The following AK5 variants were observed in gnomAD, a reference collection of about 807,000 sequenced individuals.
AK5 encodes the protein adenylate kinase isoenzyme 5.
A neutral mutation model predicts 69.5 loss-of-function variants in AK5; 27 were observed. The observed-to-expected ratio is 0.39, with a 90% CI of 0.29 to 0.54. The LOEUF (loss-of-function observed/expected upper bound fraction) is 0.54. Among genes scored for constraint, AK5 ranks in the 20% least tolerant of loss-of-function variants. The pLI is 0.71. For synonymous variants in AK5, 260 were observed against 244.4 expected, an observed-to-expected ratio of 1.06 and a Z score of -0.60; for missense variants, 531 against 700.4, an observed-to-expected ratio of 0.76 and a Z score of 2.73.
chr1:77,379,052 C>A (rs1167236135), intron 6 of AK5, among the ~76,000 whole-genome samples: 3 of 152,146 alleles, frequency 2.0e-5, no homozygotes, highest in Non-Finnish European at 1.5e-5. Flanking sequence ...TAATCCTGCT[C>A]CCCAGGCCCA....
intron 5 of AK5, among the ~76,000 whole-genome samples, chr1:77,312,096 G>A (rs575394058): frequency 6.6e-6 from 1 of 152,280 alleles, no homozygotes; most frequent in East Asian, 1.9e-4. Context: ...GGTAGCAGAA[G>A]TAATATTTAG....
intron 12 of AK5, among the ~76,000 whole-genome samples, chr1:77,529,697 C>T (rs1658475533): frequency 1.3e-5 from 2 of 152,074 alleles, no homozygotes; most frequent in African/African-American, 2.4e-5. Context: ...TGTATTAAGC[C>T]AATCTCATAC....
intron 8 of AK5, among the ~76,000 whole-genome samples, chr1:77,481,859 C>CA (rs1655272152): frequency 6.6e-6 from 1 of 152,112 alleles, no homozygotes; most frequent in Non-Finnish European, 1.5e-5. Flanking sequence ...CCACTTTTTC[C>CA]AAAAAAAGTT....
chr1:77,351,927 C>CTTTTTTTTTTTTTTTTTTTTTTTT (rs10658959), intron 6 of AK5, among the ~76,000 whole-genome samples: 12 of 138,170 alleles, frequency 8.7e-5, no homozygotes, highest in Non-Finnish European at 9.1e-5. Context: ...GCAAGTAATT[C>CTTTTTTTTTTTTTTTTTTTTTTTT]TTTTTTTTTT....
intron 13 of AK5, among the ~76,000 whole-genome samples, chr1:77,536,840 C>A (rs1272774797): frequency 6.6e-6 from 1 of 152,078 alleles, no homozygotes; most frequent in Non-Finnish European, 1.5e-5. Context: ...GCATATGGGG[C>A]CAGGAGAGCA....
At chr1:77,515,767 G>A (rs1657610078) in intron 10 of AK5, among the ~76,000 whole-genome samples, 2 of 152,198 alleles carry the variant, frequency 1.3e-5, no homozygotes, top group South Asian at 4.1e-4. Context: ...AAGGATGAAT[G>A]TGACCGGGCA....
chr1:77,393,231 G>A (rs1648604632), intron 6 of AK5, among the ~76,000 whole-genome samples: 2 of 152,188 alleles, frequency 1.3e-5, no homozygotes, highest in South Asian at 2.1e-4. Context: ...CTACTTCAGA[G>A]TAAACACATC....
intron 5 of AK5, among the ~76,000 whole-genome samples, chr1:77,301,497 C>T (rs749075672): frequency 1.9e-4 from 29 of 152,210 alleles, no homozygotes; most frequent in East Asian, 7.7e-4. Flanking sequence ...AACTAACTAG[C>T]ATCTTCTCCC....
chr1:77,340,815 A>C, intron 6 of AK5: 1 of 370,392 alleles, frequency 2.7e-6, no homozygotes. Context: ...CTTGGCCAAA[A>C]TTCTGTAGTC....
chr1:77,509,178 T>TACTATACACGGGCACTGATAA (rs370429663), intron 10 of AK5, among the ~76,000 whole-genome samples: 4,636 of 152,240 alleles, frequency 0.03, 67 homozygotes, highest in Middle Eastern at 0.078. Flanking sequence ...TTCACTGATA[T>TACTATACACGGGCACTGATAA]ACTATACACG....
intron 11 of AK5, 58 bp from the exon 12 acceptor site, chr1:77,521,769 G>A (rs973298396): frequency 6.2e-6 from 8 of 1,300,612 alleles, no homozygotes; most frequent in East Asian, 4.7e-5. Context: ...GGAGACTTGG[G>A]GTACTTCTAG....
At chr1:77,493,324 A>C (rs2100741056) in intron 10 of AK5, among the ~76,000 whole-genome samples, 1 of 145,346 alleles carries the variant, frequency 6.9e-6, no homozygotes, top group East Asian at 2.1e-4. Context: ...CTTGGACACC[A>C]GCAGCCCCCC....
intron 12 of AK5, among the ~76,000 whole-genome samples, 200 bp downstream of exon 12, chr1:77,522,143 G>A (rs1176279166): frequency 1.3e-5 from 2 of 152,128 alleles, no homozygotes; most frequent in Non-Finnish European, 2.9e-5. Context: ...TTTAGATTTG[G>A]TTGACTCCAG....
chr1:77,282,239 A>C lies in AK5; in HGVS notation c.-75A>C. 7.0e-7 allele frequency: 1 copy of C among 1,425,038 alleles called. No individual in the cohort carries two copies. Among genetic ancestry groups the C allele is most frequent in the Non-Finnish European group, 9.5e-7 (1 of 1,050,622 alleles). 88.3% of individuals were successfully genotyped at this position (1,425,038 alleles called of 1,614,324 possible). On this transcript the variant is annotated 5_prime_UTR_variant, in exon 1 of 14. Coordinates refer to ENST00000354567, the MANE Select transcript of AK5 (RefSeq NM_174858.3). ...GCTCGGCGCGGACTCTGCCAGCCCC[A>C]GCTTCAGCCCCGGCTCAGGTCGCCG...
At chr1:77,367,415 C>T (rs1283478660) in intron 6 of AK5, among the ~76,000 whole-genome samples, 1 of 149,152 alleles carries the variant, frequency 6.7e-6, no homozygotes, top group African/African-American at 2.5e-5. Flanking sequence ...TGAGACCTCC[C>T]AGGCTCAAGC....
At chr1:77,373,221 AT>A (rs201436381) in intron 6 of AK5, among the ~76,000 whole-genome samples, 13 of 152,294 alleles carry the variant, frequency 8.5e-5, no homozygotes, top group Admixed American at 4.6e-4. Context: ...TTAAAAAAAA[AT>A]ATTTTACATT....
intron 6 of AK5, among the ~76,000 whole-genome samples, chr1:77,373,619 G>A (rs1028274096): frequency 3.9e-5 from 6 of 152,100 alleles, no homozygotes; most frequent in Non-Finnish European, 7.4e-5. Context: ...CCAGCTACTC[G>A]GGAGGCTGAG....
intron 12 of AK5, among the ~76,000 whole-genome samples, chr1:77,526,486 T>A (rs1361140417): frequency 7.1e-6 from 1 of 141,318 alleles, no homozygotes; most frequent in Non-Finnish European, 1.5e-5. Context: ...TTTTTTTTTT[T>A]TTTTTTTGAG....
intron 8 of AK5, among the ~76,000 whole-genome samples, chr1:77,430,678 C>G (rs899611502): frequency 6.6e-6 from 1 of 152,140 alleles, no homozygotes; most frequent in Non-Finnish European, 1.5e-5. Flanking sequence ...GATGAAAGAG[C>G]AGAAAGACGT....
Sources: gnomAD v4.1 joint callset for allele counts (sites outside exome capture counted in the v4.1 genomes callset) on GRCh38, gnomAD v4.1.1 for gene constraint, MANE v1.5 for transcripts, NCBI Gene and HGNC (gene_info 2026-07-23, HGNC 2026-07-21) for gene names.